Variants in MAGT1 observed in about 807,000 individuals in gnomAD.
MAGT1 encodes magnesium transporter 1.
A neutral mutation model predicts 28.4 loss-of-function variants in MAGT1; 4 were observed. The ratio of observed to expected loss-of-function variants is 0.14; its 90% confidence interval spans 0.07 to 0.32. MAGT1 has a LOEUF of 0.32. Among genes scored for constraint, MAGT1 ranks in the 10% least tolerant of loss-of-function variants. The probability of loss-of-function intolerance (pLI) is 1.00; values close to 1 mark genes in which losing one functional copy is unlikely to be tolerated. For missense variants in MAGT1, 193 were observed against 264.5 expected (o/e 0.73, Z 1.88); for synonymous variants, 89 against 89.7 (o/e 0.99, Z 0.04).
chrX:77,876,833 G>A (rs888060209), intron 1 of MAGT1, among the ~76,000 whole-genome samples: 6 of 109,866 alleles, frequency 5.5e-5, no homozygotes, highest in Non-Finnish European at 7.6e-5. Context: ...AACCAAGATG[G>A]AGAAACCCCG....
At chrX:77,890,684 T>A (rs1231961399) in intron 1 of MAGT1, among the ~76,000 whole-genome samples, 4 of 112,155 alleles carry the variant, frequency 3.6e-5, no homozygotes, top group African/African-American at 1.3e-4. Context: ...GAATATAATC[T>A]CACTTTATTT....
intron 1 of MAGT1, among the ~76,000 whole-genome samples, chrX:77,876,182 T>C (rs1394918956): frequency 6.4e-5 from 4 of 62,293 alleles, no homozygotes; most frequent in Admixed American, 4.2e-4. Context: ...TTTTTTTTTT[T>C]TTTTGTAGAG....
Position 77,858,388 on chromosome X carries a change from A to C in MAGT1, c.391-891T>G, listed in dbSNP as rs185311312. ...GTATTTTTAGTAGAGACAGGGGTTC[A>C]CCATGTTGGCCAGGCTGGTCTTGAA... On this transcript the variant is annotated intron_variant, in intron 3 of 9. Coordinates refer to ENST00000618282, the MANE Select transcript of MAGT1 (RefSeq NM_001367916.1). Among the ~76,000 whole-genome samples the C allele has an allele frequency of 2.4e-3, 266 of 110,657 alleles. 2 individuals are homozygous for C. The highest frequency in any genetic ancestry group is 0.014 in the Middle Eastern group (3 of 217).
intron 9 of MAGT1, among the ~76,000 whole-genome samples, 168 bp downstream of exon 9, chrX:77,830,637 T>A (rs1223664473): frequency 5.5e-5 from 6 of 109,143 alleles, no homozygotes; most frequent in African/African-American, 2.0e-4. Flanking sequence ...AATAAATAAA[T>A]AAATAATAAA....
At chrX:77,880,252 A>G (rs1029897593) in intron 1 of MAGT1, among the ~76,000 whole-genome samples, 5 of 109,342 alleles carry the variant, frequency 4.6e-5, no homozygotes, top group South Asian at 4.0e-4. Context: ...TTTGTAGGCC[A>G]GGCGCGGTGG....
chrX:77,894,174 G>A (rs2077092088), intron 1 of MAGT1, among the ~76,000 whole-genome samples: 1 of 111,733 alleles, frequency 8.9e-6, no homozygotes, highest in African/African-American at 3.3e-5. Context: ...CCATAGCTTA[G>A]GATCCTCCCA....
Position 77,830,858 on chromosome X carries a change from G to A in MAGT1, c.939C>T (p.Phe313=). 1 of 1,159,193 alleles carries A rather than the reference G, an allele frequency of 8.6e-7. No individual in the cohort carries two copies. Among genetic ancestry groups the A allele is most frequent in the Non-Finnish European group, 1.2e-6 (1 of 862,052 alleles). ...TAAAAATAGAGAGCATCCAACTGAA[G>A]AATAATACAACAAGTCCAATACCAG... ...CVAGIGLVVL[F]FSWMLSIFRS... The change falls in exon 9 of 10, where the codon TTC becomes TTT. Residue 313 remains phenylalanine, a synonymous_variant. Coordinates refer to ENST00000618282, the MANE Select transcript of MAGT1 (RefSeq NM_001367916.1).
intron 8 of MAGT1, among the ~76,000 whole-genome samples, chrX:77,834,232 A>G (rs782151588): frequency 1.2e-5 from 1 of 86,488 alleles, no homozygotes; most frequent in Admixed American, 1.4e-4. Context: ...ATATGCATAT[A>G]TGTATATATA....
At chrX:77,889,289 T>C (rs1212399456) in intron 1 of MAGT1, among the ~76,000 whole-genome samples, 1 of 104,106 alleles carries the variant, frequency 9.6e-6, no homozygotes, top group African/African-American at 3.5e-5. Flanking sequence ...CCTCATTCTT[T>C]TTTAAATTTA....
chrX:77,826,930 T>G lies in MAGT1; in HGVS notation c.*2290A>C, dbSNP rs951312813. Reference sequence around the variant, plus strand: ...AAGGTCAACCATATCCCCTCATCCATGAAATCTAGTAACGAAAAACAAAAA... The same window carrying G: ...AAGGTCAACCATATCCCCTCATCCAGGAAATCTAGTAACGAAAAACAAAAA... On this transcript the variant is annotated 3_prime_UTR_variant, in exon 10 of 10. Transcript: ENST00000618282. The G allele has an allele frequency of 8.9e-6, 1 of 111,824 alleles. No homozygotes were observed. The highest frequency in any genetic ancestry group is 1.9e-5 in the Non-Finnish European group (1 of 53,203). The allele number at this position is 111,824 out of a possible 1,213,427, so 9.2% of individuals were successfully genotyped here. A position where few individuals can be genotyped will look rare whatever the true frequency, so the allele number is the denominator to read the frequency against.
At chrX:77,834,068 G>C (rs781973550) in intron 8 of MAGT1, among the ~76,000 whole-genome samples, 2 of 107,186 alleles carry the variant, frequency 1.9e-5, no homozygotes, top group Non-Finnish European at 3.8e-5. Flanking sequence ...CAGGAGAACT[G>C]GATATCCATA....
rs184721583 is a variant in MAGT1 at position 77,889,622 on chromosome X, C to T, written c.102+5687G>A. The stretch of plus-strand genomic sequence containing the variant: ...TCCTGAACTCGTGATCCGCCTGCCT[C>T]GGCCTCCCAAAGTGCCAGGATTATA... On this transcript the variant is annotated intron_variant, in intron 1 of 9. Coordinates refer to ENST00000618282, the MANE Select transcript of MAGT1 (RefSeq NM_001367916.1). 3.2e-3 allele frequency among the ~76,000 whole-genome samples: 346 copies of T among 108,837 alleles called. 4 individuals carry two copies. The highest frequency in any genetic ancestry group is 0.011 in the African/African-American group (323 of 29,862). 94.5% of individuals were successfully genotyped at this position (108,837 alleles called of 115,157 possible).
At chrX:77,871,998 T>A (rs1008882343) in intron 2 of MAGT1, among the ~76,000 whole-genome samples, 1 of 111,093 alleles carries the variant, frequency 9.0e-6, no homozygotes, top group Admixed American at 9.7e-5. Context: ...ATTTTTGTTA[T>A]CTAATAGTAG....
intron 7 of MAGT1, among the ~76,000 whole-genome samples, chrX:77,842,700 G>A (rs1446228841): frequency 1.8e-5 from 2 of 109,816 alleles, no homozygotes; most frequent in Admixed American, 9.8e-5. Context: ...GGTGGCAGGC[G>A]CCTGTAATCG....
chrX:77,875,873 C>A (rs980292870), intron 1 of MAGT1, among the ~76,000 whole-genome samples: 12 of 110,000 alleles, frequency 1.1e-4, no homozygotes, highest in African/African-American at 3.6e-4. Context: ...GCTCTGTCAT[C>A]CAGACTGCAG....
intron 1 of MAGT1, 30 bp downstream of exon 1, chrX:77,895,279 A>G (rs2077095218): frequency 2.5e-6 from 3 of 1,203,804 alleles, no homozygotes; most frequent in Non-Finnish European, 3.4e-6. Context: ...CATTGGGAAA[A>G]GCCCATGCTG....
chrX:77,860,578 T>A (rs1346727667), intron 3 of MAGT1, among the ~76,000 whole-genome samples: 1 of 107,546 alleles, frequency 9.3e-6, no homozygotes. Context: ...GGCCAGGAGT[T>A]TGAGACCACT....
At chrX:77,887,762 C>CA (rs1426205420) in intron 1 of MAGT1, among the ~76,000 whole-genome samples, 1 of 111,980 alleles carries the variant, frequency 8.9e-6, no homozygotes, top group Non-Finnish European at 1.9e-5. Context: ...TCAGCAACTC[C>CA]AAAAAAGCAA....
At position 77,828,890 on chromosome X, in the gene MAGT1, C is replaced by CTAGT. The variant is rs1222411890; in HGVS notation, c.*329_*330insACTA. ...ATATAAAATCAGATGACCAAGTTAA[C>CTAGT]TAAAGTAGTTTTGAGCTTTGTTCTA... On this transcript the variant is annotated 3_prime_UTR_variant, in exon 10 of 10. Transcript: ENST00000618282. 1 of 171,371 alleles carries CTAGT rather than the reference C, an allele frequency of 5.8e-6. No homozygotes were observed. The highest frequency in any genetic ancestry group is 7.7e-5 in the Admixed American group (1 of 13,017). 14.1% of individuals were successfully genotyped at this position (171,371 alleles called of 1,213,427 possible). A position where few individuals can be genotyped will look rare whatever the true frequency, so the allele number is the denominator to read the frequency against.
Sources: gnomAD v4.1 joint callset for allele counts (sites outside exome capture counted in the v4.1 genomes callset) on GRCh38, gnomAD v4.1.1 for gene constraint, MANE v1.5 for transcripts, NCBI Gene and HGNC (gene_info 2026-07-23, HGNC 2026-07-21) for gene names.